CDH12: variants seen among roughly 807,000 people sequenced by gnomAD.
CDH12 encodes cadherin 12, also known as cadherin-12.
A neutral mutation model predicts 74.1 loss-of-function variants in CDH12; 41 were observed. The ratio of observed to expected loss-of-function variants is 0.55; its 90% confidence interval spans 0.43 to 0.72. The LOEUF (loss-of-function observed/expected upper bound fraction) is 0.72, where lower values mean the gene tolerates loss of function less well. Ranked by LOEUF, CDH12 falls within the 30% of genes least tolerant of loss-of-function variation. The probability of loss-of-function intolerance (pLI) is 0.00; values close to 1 mark genes in which losing one functional copy is unlikely to be tolerated. For missense variants in CDH12, 945 were observed against 977.2 expected (o/e 0.97, Z 0.44); for synonymous variants, 399 against 355.0 (o/e 1.12, Z -1.39).
chr5:22,639,050 C>CAAAAAAAAA lies in CDH12; in HGVS notation c.-522-133695_-522-133687dup, dbSNP rs545549665. 3.0e-4 allele frequency: 19 copies of CAAAAAAAAA among 64,260 alleles called. 2 individuals are homozygous for CAAAAAAAAA. Among genetic ancestry groups the CAAAAAAAAA allele is most frequent in the African/African-American group, 7.0e-4 (13 of 18,462 alleles). The allele number at this position is 64,260 out of a possible 1,614,324, so 4.0% of individuals were successfully genotyped here. Reference sequence around the variant, plus strand: ...TGGGCGTCAGAGTGAGAGTCCGCCTCAAAAAAAAAAAAAAAAAAAAAAAAA... The same window carrying CAAAAAAAAA: ...TGGGCGTCAGAGTGAGAGTCCGCCTCAAAAAAAAAAAAAAAAAAAAAAAAAAAAAAAAAA... On this transcript the variant is annotated intron_variant, in intron 1 of 14. Coordinates refer to ENST00000382254, the MANE Select transcript of CDH12 (RefSeq NM_004061.5).
At chr5:22,242,761 C>CT (rs1752794983) in intron 3 of CDH12, among the ~76,000 whole-genome samples, 1 of 152,134 alleles carries the variant, frequency 6.6e-6, no homozygotes, top group East Asian at 1.9e-4. Flanking sequence ...CAGTACTAGC[C>CT]TTAAGCTATT....
chr5:22,552,628 C>T (rs1299649930), intron 1 of CDH12, among the ~76,000 whole-genome samples: 4 of 152,102 alleles, frequency 2.6e-5, no homozygotes, highest in African/African-American at 4.8e-5. Context: ...GGGGTTTCAC[C>T]GTGTTAGTCA....
intron 1 of CDH12, among the ~76,000 whole-genome samples, chr5:22,707,050 C>A (rs1019832258): frequency 6.6e-6 from 1 of 152,124 alleles, no homozygotes; most frequent in Non-Finnish European, 1.5e-5. Context: ...CCCATTTGAA[C>A]TGATCAGTCA....
chr5:22,508,638 A>G (rs1736489700), intron 1 of CDH12, among the ~76,000 whole-genome samples: 1 of 152,134 alleles, frequency 6.6e-6, no homozygotes, highest in Admixed American at 6.5e-5. Context: ...GGTCTCCACA[A>G]TCTTTGATCT....
At chr5:22,759,413 G>C (rs938803378) in intron 1 of CDH12, among the ~76,000 whole-genome samples, 1 of 152,088 alleles carries the variant, frequency 6.6e-6, no homozygotes, top group Non-Finnish European at 1.5e-5. Flanking sequence ...CTAAAATTAG[G>C]CAAGATCATT....
chr5:22,362,912 A>C (rs1167200778), intron 3 of CDH12, among the ~76,000 whole-genome samples: 1 of 127,932 alleles, frequency 7.8e-6, no homozygotes. Flanking sequence ...AGGGGAACAT[A>C]ACACACTGGG....
chr5:22,319,197 A>G (rs1297550604), intron 3 of CDH12, among the ~76,000 whole-genome samples: 1 of 152,212 alleles, frequency 6.6e-6, no homozygotes, highest in Admixed American at 6.5e-5. Flanking sequence ...AGGATAAGTA[A>G]TATAGATGGG....
chr5:22,280,449 A>G (rs1297492078), intron 3 of CDH12, among the ~76,000 whole-genome samples: 1 of 152,148 alleles, frequency 6.6e-6, no homozygotes, highest in African/African-American at 2.4e-5. Flanking sequence ...TTTTTTGAAA[A>G]GATCAACAAA....
chr5:22,175,764 T>C (rs1157939827), intron 4 of CDH12, among the ~76,000 whole-genome samples: 1 of 152,062 alleles, frequency 6.6e-6, no homozygotes, highest in African/African-American at 2.4e-5. Flanking sequence ...AAATTCTAGA[T>C]ATCCCTGATG....
At chr5:22,527,233 T>C (rs930742255) in intron 1 of CDH12, among the ~76,000 whole-genome samples, 1 of 152,126 alleles carries the variant, frequency 6.6e-6, no homozygotes. Flanking sequence ...TTGTTCTGGG[T>C]CCTTCTTCAA....
chr5:22,775,809 T>C (rs1747063265), intron 1 of CDH12, among the ~76,000 whole-genome samples: 3 of 152,140 alleles, frequency 2.0e-5, no homozygotes, highest in South Asian at 2.1e-4. Context: ...CAGCTCTCAA[T>C]TGAATTGTAT....
At chr5:21,776,812 G>A (rs1745615013) in intron 11 of CDH12, among the ~76,000 whole-genome samples, 1 of 152,116 alleles carries the variant, frequency 6.6e-6, no homozygotes, top group Admixed American at 6.5e-5. Flanking sequence ...TCTCATCACT[G>A]AGTCACCCCA....
At chr5:21,818,438 T>A (rs750504891) in intron 8 of CDH12, among the ~76,000 whole-genome samples, 1 of 152,010 alleles carries the variant, frequency 6.6e-6, no homozygotes, top group Non-Finnish European at 1.5e-5. Context: ...GATTTCCCAT[T>A]ATTTTTTGAG....
chr5:21,845,555 CTTTTT>C (rs11437870), intron 7 of CDH12, among the ~76,000 whole-genome samples: 2 of 133,788 alleles, frequency 1.5e-5, no homozygotes, highest in Admixed American at 7.6e-5. Context: ...CCACTTTAGT[CTTTTT>C]TTTTTTTTTT....
chr5:22,595,713 C>T (rs1736569303), intron 1 of CDH12, among the ~76,000 whole-genome samples: 1 of 152,062 alleles, frequency 6.6e-6, no homozygotes, highest in Non-Finnish European at 1.5e-5. Flanking sequence ...TCCACCACTA[C>T]ATTTAAACTG....
At chr5:22,734,365 A>G (rs1050378664) in intron 1 of CDH12, among the ~76,000 whole-genome samples, 1 of 151,936 alleles carries the variant, frequency 6.6e-6, no homozygotes, top group Admixed American at 6.6e-5. Context: ...AATGCAAAAA[A>G]GTTACAAAAA....
chr5:22,189,342 T>C (rs1489376062), intron 4 of CDH12, among the ~76,000 whole-genome samples: 3 of 152,196 alleles, frequency 2.0e-5, no homozygotes, highest in African/African-American at 7.2e-5. Flanking sequence ...TCAATAATGA[T>C]TATATACCAA....
At chr5:22,067,250 G>A (rs1403538057) in intron 5 of CDH12, among the ~76,000 whole-genome samples, 2 of 152,144 alleles carry the variant, frequency 1.3e-5, no homozygotes, top group South Asian at 2.1e-4. Flanking sequence ...TTTACAAAGG[G>A]TATGGGATAT....
At chr5:22,598,306 A>G (rs1362449188) in intron 1 of CDH12, among the ~76,000 whole-genome samples, 1 of 152,204 alleles carries the variant, frequency 6.6e-6, no homozygotes, top group African/African-American at 2.4e-5. Flanking sequence ...CCCATGTGTC[A>G]AGGGCAGGAC....
Sources: allele counts gnomAD v4.1 joint callset (sites outside exome capture counted in the v4.1 genomes callset), GRCh38; gene constraint gnomAD v4.1.1; transcripts MANE v1.5; gene names NCBI Gene and HGNC (gene_info 2026-07-23, HGNC 2026-07-21).